Variants in RIN2 observed in about 807,000 individuals in gnomAD.
RIN2 encodes RAB5 interacting protein 2.
RIN2 carries 36 observed loss-of-function variants against 78.0 expected under a neutral mutation model. That is an observed-to-expected ratio of 0.46 (90% confidence interval 0.35 to 0.61). RIN2 has a LOEUF of 0.61. Ranked by LOEUF, RIN2 falls within the 20% of genes least tolerant of loss-of-function variation. The probability of loss-of-function intolerance (pLI) is 0.00; values close to 1 mark genes in which losing one functional copy is unlikely to be tolerated. For missense variants in RIN2, 1,087 were observed against 1,159.7 expected, an observed-to-expected ratio of 0.94 and a Z score of 0.91; for synonymous variants, 466 against 466.8, an observed-to-expected ratio of 1.00 and a Z score of 0.02.
At chr20:19,834,524 C>T (rs1431346658) in intron 2 of RIN2, among the ~76,000 whole-genome samples, 2 of 152,198 alleles carry the variant, frequency 1.3e-5, no homozygotes, top group African/African-American at 4.8e-5. Context: ...TGACAGGCTC[C>T]TCCTCCTGCC....
intron 2 of RIN2, among the ~76,000 whole-genome samples, chr20:19,862,907 C>T (rs530506179): frequency 1.2e-4 from 18 of 152,168 alleles, no homozygotes; most frequent in Non-Finnish European, 2.4e-4. Flanking sequence ...TGGTTTGTAA[C>T]ATGACTTAAT....
chr20:19,924,547 C>A (rs1261824511), intron 3 of RIN2, among the ~76,000 whole-genome samples: 1 of 8,286 alleles, frequency 1.2e-4, no homozygotes, highest in Non-Finnish European at 2.2e-4. Flanking sequence ...TTCATACCCC[C>A]TCTTCATACC....
intron 3 of RIN2, among the ~76,000 whole-genome samples, chr20:19,905,170 T>C (rs1315779941): frequency 6.6e-6 from 1 of 152,138 alleles, no homozygotes; most frequent in African/African-American, 2.4e-5. Context: ...TCTGCCCCGA[T>C]TCAGAATCTG....
chr20:19,932,579 G>A (rs542481255), intron 3 of RIN2, among the ~76,000 whole-genome samples: 5 of 152,270 alleles, frequency 3.3e-5, no homozygotes, highest in South Asian at 2.1e-4. Flanking sequence ...TGCAGTCACA[G>A]GCACCGAGGG....
chr20:19,852,882 CT>C lies in RIN2; in HGVS notation c.-36-36674del, dbSNP rs555287491. On this transcript the variant is annotated intron_variant, in intron 2 of 12. Transcript: ENST00000255006. ...ATAGCAATGGATATCATTTGCCATC[CT>C]TTTTTTTTTAATTATTATACTTTAA... is the stretch of plus-strand genomic sequence containing the variant. Among the ~76,000 whole-genome samples, 1,244 of 148,680 alleles carry C rather than the reference CT, an allele frequency of 8.4e-3. 48 individuals are homozygous for C. The highest frequency in any genetic ancestry group is 0.066 in the Admixed American group (990 of 14,898).
chr20:19,853,799 A>G (rs911347870), intron 2 of RIN2, among the ~76,000 whole-genome samples: 3 of 152,104 alleles, frequency 2.0e-5, no homozygotes, highest in African/African-American at 4.8e-5. Context: ...AGATGAGTAG[A>G]TTGCAAAAAT....
Position 19,974,726 on chromosome 20 carries a change from G to A in RIN2, c.701G>A (p.Gly234Asp). The A allele has an allele frequency of 6.2e-7, 1 of 1,613,990 alleles. No individual in the cohort carries two copies. The highest frequency in any genetic ancestry group is 8.5e-7 in the Non-Finnish European group (1 of 1,179,896). ...CCCCATAGGCCTCTTTCCTCCGACG[G>A]TGTCTGTCCTGCCTCCCTGCGTCAG... ...PPPHRPLSSD[G>D]VCPASLRQLC... The change falls in exon 9 of 13, where the codon GGT (glycine) becomes GAT (aspartate). Residue 234 changes from glycine (G) to aspartate (D), a missense_variant. Transcript: ENST00000255006.
chr20:19,934,351 C>T (rs1326796854), intron 3 of RIN2: 6 of 340,668 alleles, frequency 1.8e-5, no homozygotes, highest in South Asian at 1.2e-4. Flanking sequence ...GTGCCTAGTA[C>T]GCGCCAGGAA....
chr20:19,958,698 G>A (rs528754657), intron 5 of RIN2, among the ~76,000 whole-genome samples: 24 of 152,260 alleles, frequency 1.6e-4, no homozygotes, highest in East Asian at 5.8e-4. Context: ...GCGAAACCCC[G>A]TCTCTACTAA....
intron 9 of RIN2, among the ~76,000 whole-genome samples, chr20:19,986,215 G>A (rs556340489): frequency 2.0e-5 from 3 of 151,804 alleles, no homozygotes; most frequent in Non-Finnish European, 2.9e-5. Flanking sequence ...TTTCCTTCTC[G>A]CTTTATGAGC....
At chr20:19,899,328 T>C (rs1248527916) in intron 3 of RIN2, among the ~76,000 whole-genome samples, 1 of 152,206 alleles carries the variant, frequency 6.6e-6, no homozygotes, top group Non-Finnish European at 1.5e-5. Flanking sequence ...TATGTACATA[T>C]ATATGTCCAG....
At chr20:19,813,172 C>A (rs1356177938) in intron 2 of RIN2, among the ~76,000 whole-genome samples, 1 of 152,212 alleles carries the variant, frequency 6.6e-6, no homozygotes, top group Admixed American at 6.5e-5. Context: ...CCCTTGCCCC[C>A]AGATCACTAC....
chr20:19,946,722 A>AAG (rs2041107304), intron 4 of RIN2, among the ~76,000 whole-genome samples: 1 of 150,990 alleles, frequency 6.6e-6, no homozygotes, highest in Non-Finnish European at 1.5e-5. Flanking sequence ...TCAAAAAAAA[A>AAG]AAAAAAAAAA....
intron 3 of RIN2, 62 bp downstream of exon 3, chr20:19,889,720 C>A: frequency 7.7e-7 from 1 of 1,304,114 alleles, no homozygotes; most frequent in Non-Finnish European, 1.0e-6. Flanking sequence ...CTGGGAGCTG[C>A]GGTGCTCCAT....
chr20:19,847,751 T>C (rs2036833186), intron 2 of RIN2, among the ~76,000 whole-genome samples: 1 of 152,252 alleles, frequency 6.6e-6, no homozygotes. Flanking sequence ...GTATTAAAAT[T>C]AATTTTACCT....
intron 9 of RIN2, among the ~76,000 whole-genome samples, chr20:19,978,455 A>G (rs1167753760): frequency 6.6e-6 from 1 of 152,246 alleles, no homozygotes; most frequent in African/African-American, 2.4e-5. Flanking sequence ...GAGAAAAACA[A>G]ATAGTTCTCA....
chr20:19,859,236 G>A (rs1436850813), intron 2 of RIN2, among the ~76,000 whole-genome samples: 2 of 152,240 alleles, frequency 1.3e-5, no homozygotes, highest in Non-Finnish European at 1.5e-5. Flanking sequence ...CAGGCAGGAT[G>A]TGGCTGCAGA....
intron 3 of RIN2, among the ~76,000 whole-genome samples, chr20:19,894,892 C>A (rs2038649040): frequency 6.6e-6 from 1 of 152,100 alleles, no homozygotes; most frequent in Non-Finnish European, 1.5e-5. Context: ...CCTTGCTGGG[C>A]ACAGGACCAA....
intron 3 of RIN2, among the ~76,000 whole-genome samples, chr20:19,890,679 CAAAAAAA>C (rs534202183): frequency 1.2e-4 from 8 of 64,446 alleles, no homozygotes; most frequent in South Asian, 1.8e-3. Context: ...GTTGACTCTA[CAAAAAAA>C]AAAAAAAAAA....
Sources: gnomAD v4.1 joint callset for allele counts (sites outside exome capture counted in the v4.1 genomes callset) on GRCh38, gnomAD v4.1.1 for gene constraint, MANE v1.5 for transcripts, NCBI Gene and HGNC (gene_info 2026-07-23, HGNC 2026-07-21) for gene names.